Variants in C1orf94 observed in about 807,000 individuals in gnomAD.
C1orf94 encodes the protein chromosome 1 open reading frame 94.
C1orf94 carries 45 observed loss-of-function variants against 53.6 expected under a neutral mutation model. The ratio of observed to expected loss-of-function variants is 0.84; its 90% CI spans 0.66 to 1.08. The LOEUF (loss-of-function observed/expected upper bound fraction) is 1.08. C1orf94 is among the 50% of genes least tolerant of loss of function. C1orf94 has a pLI of 0.00. For missense variants in C1orf94, 762 were observed against 738.9 expected (o/e 1.03, Z -0.36); for synonymous variants, 304 against 296.1 (o/e 1.03, Z -0.27).
chr1:34,193,535 TAAC>T (rs1212074194), intron 1 of C1orf94, among the ~76,000 whole-genome samples: 1 of 152,154 alleles, frequency 6.6e-6, no homozygotes, highest in East Asian at 1.9e-4. Context: ...CCTTGCTGGA[TAAC>T]AATCTCCTGA....
intron 1 of C1orf94, among the ~76,000 whole-genome samples, chr1:34,180,263 T>C (rs1642293901): frequency 1.3e-5 from 2 of 152,248 alleles, no homozygotes; most frequent in South Asian, 4.1e-4. Flanking sequence ...GCAATTCAGA[T>C]GTGATCATTT....
chr1:34,216,743 T>C (rs905823214), intron 6 of C1orf94, among the ~76,000 whole-genome samples: 3 of 152,144 alleles, frequency 2.0e-5, no homozygotes, highest in African/African-American at 7.2e-5. Flanking sequence ...CAATTTATCT[T>C]CCAAGCAATA....
intron 4 of C1orf94, among the ~76,000 whole-genome samples, chr1:34,205,754 C>T (rs297804): frequency 0.34 from 52,227 of 151,888 alleles, 10,828 homozygotes; most frequent in African/African-American, 0.59. Flanking sequence ...CTGTTTAGCA[C>T]TGGGAATAAA....
intron 1 of C1orf94, among the ~76,000 whole-genome samples, chr1:34,194,587 C>A (rs963322932): frequency 2.0e-5 from 3 of 152,150 alleles, no homozygotes; most frequent in Admixed American, 6.5e-5. Flanking sequence ...CCCTATGTAA[C>A]CATTACCTGG....
At chr1:34,178,152 G>A (rs1213408892) in intron 1 of C1orf94, 43 bp downstream of exon 1, 6 of 1,526,084 alleles carry the variant, frequency 3.9e-6, no homozygotes, top group African/African-American at 2.8e-5. Flanking sequence ...GAGGAGGGAG[G>A]AGATGAAGTC....
rs375052311 is a variant in C1orf94, at chr1:34,215,040, G to A, written c.1721+2634G>A. 2.3e-3 allele frequency among the ~76,000 whole-genome samples: 351 copies of A among 152,280 alleles called. 4 individuals carry two copies. Among genetic ancestry groups the A allele is most frequent in the Middle Eastern group, 0.014 (4 of 294 alleles). On this transcript the variant is annotated intron_variant, in intron 6 of 6. Transcript: ENST00000488417. ...AAAAAAAGGTTTTCCTTCTCCTAAG[G>A]AGCTTTCATTCTAGAAGGAGAAATG...
At chr1:34,178,171 T>TG in intron 1 of C1orf94, 62 bp downstream of exon 1, 1 of 1,486,228 alleles carries the variant, frequency 6.7e-7, no homozygotes, top group South Asian at 1.3e-5. Flanking sequence ...TCTGACCTTC[T>TG]GGGGGAATGT....
chr1:34,183,154 T>C (rs1241011541), intron 1 of C1orf94, among the ~76,000 whole-genome samples: 1 of 152,134 alleles, frequency 6.6e-6, no homozygotes, highest in Non-Finnish European at 1.5e-5. Context: ...GGGGAAGAAA[T>C]GGGGAGCAAT....
chr1:34,197,198 C>T lies in C1orf94; in HGVS notation c.321-27C>T. 6.7e-7 allele frequency: 1 copy of T among 1,487,156 alleles called. No individual in the cohort carries two copies. The highest frequency in any genetic ancestry group is 9.0e-7 in the Non-Finnish European group (1 of 1,114,046). 92.1% of individuals were successfully genotyped at this position (1,487,156 alleles called of 1,614,324 possible). A position where few individuals can be genotyped will look rare whatever the true frequency, so the allele number is the denominator to read the frequency against. Reference sequence around the variant, plus strand: ...ACGCCTTGGTGAGCTGGCACTAACACCGTCTGTCTCTCTGACCCATTTCCA... The same window carrying T: ...ACGCCTTGGTGAGCTGGCACTAACATCGTCTGTCTCTCTGACCCATTTCCA... On this transcript the variant is annotated intron_variant, in intron 1 of 6. Coordinates refer to ENST00000488417, the MANE Select transcript of C1orf94 (RefSeq NM_001134734.2). This position sits in a 1 kb window ranked among gnomAD's most constrained non-coding sequence, Gnocchi z 4.1.
intron 1 of C1orf94, among the ~76,000 whole-genome samples, chr1:34,168,895 G>C (rs1642094018): frequency 6.6e-6 from 1 of 152,140 alleles, no homozygotes; most frequent in African/African-American, 2.4e-5. Flanking sequence ...ATTTGGGTGG[G>C]GGGGCACACA....
chr1:34,213,717 T>G (rs1642934925), intron 6 of C1orf94, among the ~76,000 whole-genome samples: 1 of 152,036 alleles, frequency 6.6e-6, no homozygotes, highest in Admixed American at 6.6e-5. Context: ...ATTTTTGTAT[T>G]TTTAGTAGAG....
intron 1 of C1orf94, among the ~76,000 whole-genome samples, chr1:34,191,671 T>C (rs1299786339): frequency 1.3e-5 from 2 of 152,178 alleles, no homozygotes; most frequent in Non-Finnish European, 2.9e-5. Context: ...TAAAATTTCA[T>C]AGCTGGAAGA....
At chr1:34,182,186 C>A (rs941932509) in intron 1 of C1orf94, among the ~76,000 whole-genome samples, 4 of 152,110 alleles carry the variant, frequency 2.6e-5, no homozygotes, top group African/African-American at 7.2e-5. Flanking sequence ...CAGAGTGAGA[C>A]CCTGTCTCAA....
At chr1:34,184,912 A>G (rs1642362910) in intron 1 of C1orf94, among the ~76,000 whole-genome samples, 1 of 152,088 alleles carries the variant, frequency 6.6e-6, no homozygotes, top group East Asian at 1.9e-4. Context: ...AGATACGGAA[A>G]CTCAGGCTGA....
intron 5 of C1orf94, among the ~76,000 whole-genome samples, chr1:34,209,205 AATGACC>A (rs1176484122): frequency 6.6e-6 from 1 of 151,952 alleles, no homozygotes; most frequent in Non-Finnish European, 1.5e-5. Flanking sequence ...CTGGTACTCC[AATGACC>A]ATGCTTTACT....
chr1:34,169,628 A>AGC (rs1371407029), intron 1 of C1orf94, among the ~76,000 whole-genome samples: 1 of 95,144 alleles, frequency 1.1e-5, no homozygotes, highest in Non-Finnish European at 2.3e-5. Flanking sequence ...AGAGAGAGAG[A>AGC]GAGAGAGTGA....
chr1:34,169,440 A>G (rs1642105143), intron 1 of C1orf94, among the ~76,000 whole-genome samples: 2 of 152,198 alleles, frequency 1.3e-5, no homozygotes, highest in Non-Finnish European at 1.5e-5. Context: ...ACTAGCCAAG[A>G]TAAGCCTAAT....
At chr1:34,175,114 G>A (rs906786265), upstream of C1orf94, among the ~76,000 whole-genome samples, 2 of 151,698 alleles carry the variant, frequency 1.3e-5, no homozygotes, top group Non-Finnish European at 2.9e-5. Flanking sequence ...TAAGATTTTT[G>A]CAGAATTTTC....
chr1:34,200,811 G>A lies in C1orf94; in HGVS notation c.1049G>A (p.Gly350Glu). The change falls in exon 3 of 7, where the codon GGG becomes GAG. Residue 350 changes from glycine (G) to glutamate (E), a missense_variant. By Grantham distance (98) the Gly-to-Glu change is moderately conservative. Transcript: ENST00000488417. ...PGTKEPKKGQ[G>E]SLFLSQWPQS... ...ACCAAGGAGCCAAAAAAGGGTCAAGGGAGCCTCTTTCTCAGCCAGTGGCCC... is the reference window on the plus strand; with the variant it reads ...ACCAAGGAGCCAAAAAAGGGTCAAGAGAGCCTCTTTCTCAGCCAGTGGCCC... 1 of 1,614,166 alleles carries A rather than the reference G, an allele frequency of 6.2e-7. No homozygotes were observed. Among genetic ancestry groups the A allele is most frequent in the Non-Finnish European group, 8.5e-7 (1 of 1,180,026 alleles).
Sources: gnomAD v4.1 joint callset for allele counts (sites outside exome capture counted in the v4.1 genomes callset) on GRCh38, gnomAD v4.1.1 for gene constraint, Gnocchi (gnomAD v3.1) non-coding constraint, MANE v1.5 for transcripts, NCBI Gene and HGNC (gene_info 2026-07-23, HGNC 2026-07-21) for gene names.